ZPBP: variants seen among roughly 807,000 people sequenced by gnomAD.
The protein encoded by ZPBP is zona pellucida binding protein.
Under a neutral mutation model 44.8 loss-of-function variants are expected in ZPBP, and 26 were observed. The ratio of observed to expected loss-of-function variants is 0.58; its 90% CI spans 0.43 to 0.81. The LOEUF is 0.81. Among genes scored for constraint, ZPBP ranks in the 30% least tolerant of loss-of-function variants. ZPBP has a pLI of 0.00. For missense variants in ZPBP, 409 were observed against 434.0 expected, an observed-to-expected ratio of 0.94 and a Z score of 0.51; for synonymous variants, 174 against 153.2, an observed-to-expected ratio of 1.14 and a Z score of -1.00.
intron 4 of ZPBP, among the ~76,000 whole-genome samples, chr7:50,044,262 A>C (rs1800235374): frequency 6.6e-6 from 1 of 152,204 alleles, no homozygotes; most frequent in African/African-American, 2.4e-5. Flanking sequence ...GAACTAGAGA[A>C]GCAAGAGCAA....
intron 2 of ZPBP, among the ~76,000 whole-genome samples, chr7:49,888,825 C>T (rs1004270101): frequency 6.6e-6 from 1 of 152,118 alleles, no homozygotes; most frequent in African/African-American, 2.4e-5. Flanking sequence ...GCAGGAGAAT[C>T]GCTTGAACTC....
Position 50,025,376 on chromosome 7 carries a change from T to C in ZPBP, c.706+5716A>G, listed in dbSNP as rs576329606. ...TACAGAGGACCAACATTACCCAACT[T>C]CAGGACTTACTATAAAACTACAGAA... is the stretch of plus-strand genomic sequence containing the variant. On this transcript the variant is annotated intron_variant, in intron 5 of 7. Transcript: ENST00000046087. Among the ~76,000 whole-genome samples, 9 of 151,916 alleles carry C rather than the reference T, an allele frequency of 5.9e-5. No homozygotes were observed. In the South Asian group the frequency reaches 1.9e-3, roughly 31 times the overall value.
At chr7:50,000,676 C>T (rs1798053368) in intron 6 of ZPBP, among the ~76,000 whole-genome samples, 1 of 152,090 alleles carries the variant, frequency 6.6e-6, no homozygotes. Flanking sequence ...CATCTGGAAG[C>T]AGTACAGGTA....
chr7:49,854,593 T>A (rs1378629823), intron 2 of ZPBP, among the ~76,000 whole-genome samples: 1 of 152,242 alleles, frequency 6.6e-6, no homozygotes, highest in Non-Finnish European at 1.5e-5. Flanking sequence ...GTTTGAGTTC[T>A]TTGCAGATTC....
intron 6 of ZPBP, among the ~76,000 whole-genome samples, chr7:49,995,434 A>G (rs1380820990): frequency 2.0e-5 from 3 of 152,236 alleles, no homozygotes; most frequent in Non-Finnish European, 1.5e-5. Flanking sequence ...AATCTGCCCA[A>G]GCAATAAAAC....
At chr7:50,048,743 C>T (rs989293059) in intron 4 of ZPBP, among the ~76,000 whole-genome samples, 9 of 151,702 alleles carry the variant, frequency 5.9e-5, no homozygotes, top group South Asian at 2.1e-4. Context: ...AAAGCTCTCA[C>T]GTAGCCTAAT....
chr7:50,068,626 G>A (rs1214181172), intron 3 of ZPBP, among the ~76,000 whole-genome samples: 1 of 152,120 alleles, frequency 6.6e-6, no homozygotes. Flanking sequence ...AAGGGTTGCT[G>A]CTAGTAAATT....
At chr7:49,877,850 C>T (rs1791508833) in intron 2 of ZPBP, among the ~76,000 whole-genome samples, 1 of 151,988 alleles carries the variant, frequency 6.6e-6, no homozygotes. Context: ...CCCCACCACA[C>T]TGTTAAGCAA....
intron 2 of ZPBP, among the ~76,000 whole-genome samples, chr7:49,892,031 ATTTTTTTTTTTTTTT>A (rs536880676): frequency 7.5e-5 from 4 of 53,288 alleles, no homozygotes; most frequent in East Asian, 6.8e-4. Context: ...GACAAAGTAG[ATTTTTTTTTTTTTTT>A]TTTTTTTTTT....
intron 1 of ZPBP, among the ~76,000 whole-genome samples, chr7:49,910,278 AT>A (rs1248786750): frequency 6.6e-6 from 1 of 152,220 alleles, no homozygotes; most frequent in Non-Finnish European, 1.5e-5. Context: ...ACTTAGAATT[AT>A]TCAAAGGCCA....
the ZPBP span, among the ~76,000 whole-genome samples, chr7:49,843,254 T>C: frequency 5.3e-5 from 8 of 152,310 alleles, no homozygotes; most frequent in East Asian, 1.9e-4. Context: ...AAAATCCAAA[T>C]TCAAATTCTG....
At chr7:49,861,842 C>G (rs1790662733) in intron 2 of ZPBP, among the ~76,000 whole-genome samples, 1 of 152,140 alleles carries the variant, frequency 6.6e-6, no homozygotes, top group Admixed American at 6.5e-5. Context: ...GAATTTTATT[C>G]TATTGTTTAT....
chr7:50,047,717 A>G (rs1050757626), intron 4 of ZPBP, among the ~76,000 whole-genome samples: 30 of 151,624 alleles, frequency 2.0e-4, no homozygotes, highest in African/African-American at 6.1e-4. Flanking sequence ...GCTATGGCTC[A>G]TAACAAGCAG....
intron 1 of ZPBP, chr7:49,919,736 A>G (rs1464994088): frequency 6.6e-6 from 1 of 152,352 alleles, no homozygotes; most frequent in African/African-American, 2.4e-5. Flanking sequence ...GGGTGGACAG[A>G]GGTAGTCCCA....
At chr7:49,992,646 T>C (rs1797623591) in intron 6 of ZPBP, among the ~76,000 whole-genome samples, 1 of 152,178 alleles carries the variant, frequency 6.6e-6, no homozygotes, top group Non-Finnish European at 1.5e-5. Flanking sequence ...AATTTCATTA[T>C]TTTAGATAAC....
chr7:49,922,310 T>C (rs1194281965), intron 1 of ZPBP, among the ~76,000 whole-genome samples: 3 of 152,176 alleles, frequency 2.0e-5, no homozygotes, highest in Non-Finnish European at 4.4e-5. Flanking sequence ...ATATCTTAGA[T>C]TCAGATTTCT....
intron 1 of ZPBP, among the ~76,000 whole-genome samples, chr7:50,090,917 A>G (rs1009818372): frequency 2.0e-5 from 3 of 152,062 alleles, no homozygotes; most frequent in Non-Finnish European, 4.4e-5. Flanking sequence ...GTACTAGTTT[A>G]CATTCCCACC....
intron 2 of ZPBP, among the ~76,000 whole-genome samples, chr7:49,885,155 C>T (rs1791842996): frequency 2.0e-5 from 3 of 152,136 alleles, no homozygotes; most frequent in Middle Eastern, 3.5e-3. Context: ...AAAATAGAAT[C>T]CTTCAAAAAG....
intron 1 of ZPBP, among the ~76,000 whole-genome samples, chr7:49,922,518 A>C (rs1214287421): frequency 4.6e-5 from 7 of 152,224 alleles, no homozygotes; most frequent in Admixed American, 3.9e-4. Flanking sequence ...GTTCTTCCTG[A>C]AGCCAGTGGA....
Sources: allele counts gnomAD v4.1 joint callset (sites outside exome capture counted in the v4.1 genomes callset), GRCh38; gene constraint gnomAD v4.1.1; transcripts MANE v1.5; gene names NCBI Gene and HGNC (gene_info 2026-07-23, HGNC 2026-07-21).